COL8A1: variants seen among roughly 807,000 people sequenced by gnomAD.
The protein encoded by COL8A1 is collagen alpha-1(VIII) chain.
A neutral mutation model predicts 42.7 loss-of-function variants in COL8A1; 21 were observed. The ratio of observed to expected loss-of-function variants is 0.49; its 90% CI spans 0.35 to 0.71. COL8A1 has a LOEUF of 0.71. Among genes scored for constraint, COL8A1 ranks in the 30% least tolerant of loss-of-function variants. COL8A1 has a pLI of 0.01. For synonymous variants in COL8A1, 367 were observed against 369.1 expected (o/e 0.99, Z 0.06); for missense variants, 788 against 962.4 (o/e 0.82, Z 2.40).
chr3:99,700,189 C>G (rs1345475630), intron 1 of COL8A1, among the ~76,000 whole-genome samples: 1 of 152,084 alleles, frequency 6.6e-6, no homozygotes. Flanking sequence ...CTGGTGGAAA[C>G]TCGCTCATTT....
intron 1 of COL8A1, among the ~76,000 whole-genome samples, chr3:99,669,107 C>A (rs1268572197): frequency 3.0e-5 from 4 of 133,888 alleles, no homozygotes; most frequent in East Asian, 4.4e-4. Context: ...CTTTTTAAGA[C>A]CTTGTCTTAA....
intron 1 of COL8A1, among the ~76,000 whole-genome samples, chr3:99,660,313 C>T (rs1559770564): frequency 1.3e-5 from 2 of 152,232 alleles, no homozygotes; most frequent in East Asian, 3.9e-4. Flanking sequence ...TACTTCTGGT[C>T]CCAAGACCTG....
intron 1 of COL8A1, among the ~76,000 whole-genome samples, chr3:99,663,956 A>G (rs921883205): frequency 2.6e-5 from 4 of 152,186 alleles, no homozygotes; most frequent in African/African-American, 9.7e-5. Context: ...CACACAATGG[A>G]CACTCCCTCA....
chr3:99,697,251 G>T (rs553464389), intron 1 of COL8A1, among the ~76,000 whole-genome samples: 8 of 152,166 alleles, frequency 5.3e-5, no homozygotes, highest in African/African-American at 1.9e-4. Flanking sequence ...CTCCCAAAGT[G>T]CTGGGATTAC....
At chr3:99,700,879 T>C (rs1019387094) in intron 1 of COL8A1, among the ~76,000 whole-genome samples, 1 of 152,088 alleles carries the variant, frequency 6.6e-6, no homozygotes, top group Admixed American at 6.5e-5. Context: ...TCTGGTTACT[T>C]TCTGGAAGTT....
chr3:99,771,695 T>C (rs1941583950), intron 2 of COL8A1, among the ~76,000 whole-genome samples: 1 of 152,200 alleles, frequency 6.6e-6, no homozygotes, highest in African/African-American at 2.4e-5. Context: ...TGTGTTTTGC[T>C]TTCATGAAAA....
intron 1 of COL8A1, among the ~76,000 whole-genome samples, chr3:99,677,239 T>C (rs1305850160): frequency 6.6e-6 from 1 of 152,148 alleles, no homozygotes. Context: ...AGTTACAATT[T>C]GATGTGACAG....
chr3:99,693,257 T>C (rs1939275696), intron 1 of COL8A1, among the ~76,000 whole-genome samples: 1 of 152,218 alleles, frequency 6.6e-6, no homozygotes, highest in African/African-American at 2.4e-5. Flanking sequence ...TTGATGATGG[T>C]AAATGACTAT....
chr3:99,657,551 C>G (rs956156786), intron 1 of COL8A1, among the ~76,000 whole-genome samples: 21 of 152,134 alleles, frequency 1.4e-4, no homozygotes, highest in South Asian at 6.2e-4. Context: ...ACCTAAAATG[C>G]TCTCAGGAAT....
intron 1 of COL8A1, among the ~76,000 whole-genome samples, chr3:99,736,947 T>C (rs1243612586): frequency 6.6e-6 from 1 of 152,234 alleles, no homozygotes; most frequent in African/African-American, 2.4e-5. Flanking sequence ...TTAGGATAGT[T>C]AGCTCTTCTT....
At chr3:99,733,030 C>T (rs1165602403) in intron 1 of COL8A1, among the ~76,000 whole-genome samples, 1 of 151,842 alleles carries the variant, frequency 6.6e-6, no homozygotes, top group Non-Finnish European at 1.5e-5. Flanking sequence ...ATATCCGGGT[C>T]ATGCCGATGC....
intron 1 of COL8A1, among the ~76,000 whole-genome samples, chr3:99,659,118 A>G (rs1430342388): frequency 1.3e-5 from 2 of 152,206 alleles, no homozygotes; most frequent in East Asian, 3.8e-4. Context: ...CCTTTCCCTG[A>G]TGGTGGTTAG....
chr3:99,749,405 A>G (rs552091637), intron 2 of COL8A1, among the ~76,000 whole-genome samples: 49 of 151,710 alleles, frequency 3.2e-4, no homozygotes, highest in Admixed American at 5.2e-4. Flanking sequence ...AATATTTGGA[A>G]TTGATTTTAT....
intron 2 of COL8A1, among the ~76,000 whole-genome samples, chr3:99,765,319 C>A (rs986570838): frequency 2.0e-4 from 30 of 152,078 alleles, no homozygotes; most frequent in African/African-American, 7.0e-4. Flanking sequence ...CAACCAACAG[C>A]AAGAGAATGA....
rs927140242 is a variant in COL8A1 at position 99,645,691 on chromosome 3, C to CT, written c.-129+7032dup. ...TGTAGTAGATCACATTGTTAGTTTT[C>CT]TTTTTAAAAAAAAAAAAAAAATCCT... On this transcript the variant is annotated intron_variant, in intron 1 of 3. Coordinates refer to ENST00000652472, the MANE Select transcript of COL8A1 (RefSeq NM_020351.4). 1.6e-4 allele frequency among the ~76,000 whole-genome samples: 22 copies of CT among 139,054 alleles called. No individual in the cohort carries two copies. In the South Asian group the frequency reaches 1.9e-3, roughly 12 times the overall value. 91.2% of individuals were successfully genotyped at this position (139,054 alleles called of 152,430 possible).
At chr3:99,647,792 A>G (rs1269597989) in intron 1 of COL8A1, among the ~76,000 whole-genome samples, 1 of 152,232 alleles carries the variant, frequency 6.6e-6, no homozygotes, top group African/African-American at 2.4e-5. Flanking sequence ...TTTCTGTAGG[A>G]GGAACACACT....
intron 1 of COL8A1, among the ~76,000 whole-genome samples, chr3:99,662,062 A>G (rs1174235825): frequency 6.6e-6 from 1 of 152,110 alleles, no homozygotes; most frequent in South Asian, 2.1e-4. Flanking sequence ...TATATTTATC[A>G]CCATTGAACT....
At chr3:99,710,405 C>T (rs1939801405) in intron 1 of COL8A1, among the ~76,000 whole-genome samples, 1 of 152,102 alleles carries the variant, frequency 6.6e-6, no homozygotes. Flanking sequence ...GGATTTAATA[C>T]AGAAAAATAA....
chr3:99,786,024 T>C (rs1456415713), intron 2 of COL8A1, among the ~76,000 whole-genome samples: 2 of 151,444 alleles, frequency 1.3e-5, no homozygotes, highest in African/African-American at 2.5e-5. Flanking sequence ...GAACATACTT[T>C]TGAAATGAGT....
Sources: allele counts gnomAD v4.1 joint callset (sites outside exome capture counted in the v4.1 genomes callset), GRCh38; gene constraint gnomAD v4.1.1; transcripts MANE v1.5; gene names NCBI Gene and HGNC (gene_info 2026-07-23, HGNC 2026-07-21).